Variants in SLCO1B3 observed in about 807,000 individuals in gnomAD.
SLCO1B3 encodes the protein liver-specific organic anion transporter 2.
SLCO1B3 carries 72 observed loss-of-function variants against 71.8 expected under a neutral mutation model. The observed-to-expected ratio is 1.00, with a 90% CI of 0.83 to 1.22. The LOEUF (loss-of-function observed/expected upper bound fraction) is 1.22. Among genes scored for constraint, SLCO1B3 ranks in the 50% most tolerant of loss-of-function variants. The probability of loss-of-function intolerance (pLI) is 0.00; values close to 1 mark genes in which losing one functional copy is unlikely to be tolerated. For synonymous variants in SLCO1B3, 298 were observed against 278.4 expected (o/e 1.07, Z -0.70); for missense variants, 911 against 819.7 (o/e 1.11, Z -1.36).
intron 3 of SLCO1B3, among the ~76,000 whole-genome samples, chr12:20,821,760 AT>A (rs1296822921): frequency 6.6e-6 from 1 of 152,170 alleles, no homozygotes; most frequent in Non-Finnish European, 1.5e-5. Context: ...CAAGGCAGGC[AT>A]CCCTGCGTGG....
chr12:20,909,165 C>CTTTTT, intron 15 of SLCO1B3, among the ~76,000 whole-genome samples: 1 of 123,864 alleles, frequency 8.1e-6, no homozygotes, highest in Non-Finnish European at 1.7e-5. Context: ...GCATCTTTTT[C>CTTTTT]TTTTTTTTTT....
rs78607001 is a variant in SLCO1B3 at position 20,883,899 on chromosome 12, A to G, written c.1682+297A>G. ...GAGAATCTTTGTGTGATTGTAAAAG[A>G]ACTTTTAATTTTGAGTTGCGTTGCA... is the stretch of plus-strand genomic sequence containing the variant. On this transcript the variant is annotated intron_variant, in intron 13 of 15. Transcript: ENST00000381545. 2.6e-3 allele frequency among the ~76,000 whole-genome samples: 395 copies of G among 152,328 alleles called. 1 individual carries two copies. The highest frequency in any genetic ancestry group is 4.7e-3 in the Non-Finnish European group (319 of 68,018).
At chr12:20,897,444 C>T (rs1866035210) in intron 13 of SLCO1B3, among the ~76,000 whole-genome samples, 1 of 152,122 alleles carries the variant, frequency 6.6e-6, no homozygotes, top group African/African-American at 2.4e-5. Context: ...ATGAGATAAG[C>T]ATTATCATGC....
chr12:20,871,133 G>A (rs1865467378), intron 8 of SLCO1B3, among the ~76,000 whole-genome samples: 1 of 152,028 alleles, frequency 6.6e-6, no homozygotes. Flanking sequence ...CAGAGAAATT[G>A]GCCTGTAGTT....
At chr12:20,905,996 A>G (rs1265197103) in intron 15 of SLCO1B3, among the ~76,000 whole-genome samples, 4 of 152,162 alleles carry the variant, frequency 2.6e-5, no homozygotes, top group African/African-American at 9.7e-5. Context: ...GAGAAAGTGT[A>G]AAAAGGGAAG....
At chr12:20,823,314 G>A (rs1419026034) in intron 3 of SLCO1B3, among the ~76,000 whole-genome samples, 1 of 152,090 alleles carries the variant, frequency 6.6e-6, no homozygotes, top group Non-Finnish European at 1.5e-5. Context: ...GGGGGAAAAG[G>A]AAAATGAAAG....
chr12:20,824,450 G>A (rs1468888573), intron 3 of SLCO1B3, among the ~76,000 whole-genome samples: 1 of 152,066 alleles, frequency 6.6e-6, no homozygotes, highest in Non-Finnish European at 1.5e-5. Context: ...GAGTTCAATA[G>A]CAGATTACAA....
chr12:20,834,598 G>A (rs933614916), intron 3 of SLCO1B3, among the ~76,000 whole-genome samples: 1 of 151,554 alleles, frequency 6.6e-6, no homozygotes, highest in African/African-American at 2.4e-5. Flanking sequence ...TGAAAACATA[G>A]GTGTTTGATT....
intron 1 of SLCO1B3, among the ~76,000 whole-genome samples, chr12:20,813,031 T>C (rs1009035192): frequency 3.3e-5 from 5 of 152,178 alleles, no homozygotes; most frequent in African/African-American, 1.2e-4. Context: ...TTCCTCACTT[T>C]ACCTACAAAA....
At chr12:20,875,512 G>A in intron 9 of SLCO1B3, 35 bp downstream of exon 9, 1 of 1,578,906 alleles carries the variant, frequency 6.3e-7, no homozygotes, top group Non-Finnish European at 8.6e-7. Context: ...ACTTGGAATT[G>A]TTAATCTCAA....
At chr12:20,860,246 C>T (rs776345175) in intron 5 of SLCO1B3, among the ~76,000 whole-genome samples, 32 of 152,132 alleles carry the variant, frequency 2.1e-4, no homozygotes, top group South Asian at 2.1e-4. Context: ...TGAGCCACCG[C>T]GCCCAGCCCC....
At chr12:20,882,469 T>C (rs1865711670) in intron 12 of SLCO1B3, among the ~76,000 whole-genome samples, 1 of 152,140 alleles carries the variant, frequency 6.6e-6, no homozygotes, top group Non-Finnish European at 1.5e-5. Context: ...AATGGCATGG[T>C]CTCGGCTCAC....
intron 3 of SLCO1B3, among the ~76,000 whole-genome samples, chr12:20,850,256 T>TTTA (rs1864998027): frequency 7.0e-6 from 1 of 143,040 alleles, no homozygotes; most frequent in Non-Finnish European, 1.5e-5. Context: ...ATTATTATTA[T>TTTA]TTTATTTATT....
chr12:20,894,013 A>G (rs1265605391), intron 13 of SLCO1B3, among the ~76,000 whole-genome samples: 1 of 152,206 alleles, frequency 6.6e-6, no homozygotes, highest in African/African-American at 2.4e-5. Flanking sequence ...AAACAGGAAA[A>G]CAAGCATTCC....
chr12:20,902,098 ATGTGTT>A (rs1866143595), intron 15 of SLCO1B3: 1 of 244,434 alleles, frequency 4.1e-6, no homozygotes. Context: ...GGAAGAATAA[ATGTGTT>A]TGTAAGTATG....
intron 3 of SLCO1B3, among the ~76,000 whole-genome samples, chr12:20,829,822 TGTAGACC>T (rs1864502815): frequency 6.6e-6 from 1 of 152,176 alleles, no homozygotes; most frequent in African/African-American, 2.4e-5. Flanking sequence ...GCCTCCCCTT[TGTAGACC>T]GTATAGGGTA....
intron 14 of SLCO1B3, among the ~76,000 whole-genome samples, chr12:20,900,006 G>A (rs1644655570): frequency 6.6e-6 from 1 of 152,074 alleles, no homozygotes; most frequent in South Asian, 2.1e-4. Flanking sequence ...TTAGAAAATA[G>A]GTTATCAGAA....
intron 3 of SLCO1B3, among the ~76,000 whole-genome samples, chr12:20,822,719 G>A (rs1262961295): frequency 6.6e-6 from 1 of 151,702 alleles, no homozygotes; most frequent in Non-Finnish European, 1.5e-5. Context: ...TCAGTAAATC[G>A]GCACTTTACA....
At chr12:20,812,569 ATGGTTGTAT>A (rs1165130641) in intron 1 of SLCO1B3, among the ~76,000 whole-genome samples, 1 of 152,194 alleles carries the variant, frequency 6.6e-6, no homozygotes, top group Non-Finnish European at 1.5e-5. Flanking sequence ...GCAAGTGCTT[ATGGTTGTAT>A]TGGGAAATGG....
Sources: gnomAD v4.1 joint callset for allele counts (sites outside exome capture counted in the v4.1 genomes callset) on GRCh38, gnomAD v4.1.1 for gene constraint, MANE v1.5 for transcripts, NCBI Gene and HGNC (gene_info 2026-07-23, HGNC 2026-07-21) for gene names.